The following TACR3 variants were observed in gnomAD, a reference collection of about 807,000 sequenced individuals.
TACR3 encodes tachykinin receptor 3, also known as neuromedin-K receptor.
Under a neutral mutation model 35.0 loss-of-function variants are expected in TACR3, and 34 were observed. That is an observed-to-expected ratio of 0.97 (90% CI 0.74 to 1.30). TACR3 has a LOEUF of 1.30. Ranked by LOEUF, TACR3 falls within the 50% of genes most tolerant of loss-of-function variation. TACR3 has a pLI of 0.00. For missense variants in TACR3, 558 were observed against 591.7 expected, an observed-to-expected ratio of 0.94 and a Z score of 0.59; for synonymous variants, 233 against 221.1, an observed-to-expected ratio of 1.05 and a Z score of -0.48.
chr4:103,705,393 T>C (rs1451205137), intron 1 of TACR3, among the ~76,000 whole-genome samples: 2 of 152,154 alleles, frequency 1.3e-5, no homozygotes, highest in Admixed American at 1.3e-4. Flanking sequence ...TATAATTCAT[T>C]TATTCATCAA....
intron 3 of TACR3, among the ~76,000 whole-genome samples, chr4:103,626,011 A>G (rs1560811840): frequency 6.6e-6 from 1 of 152,184 alleles, no homozygotes; most frequent in African/African-American, 2.4e-5. Context: ...GGAAAAATCA[A>G]CCCAGCCTAC....
At chr4:103,685,294 C>T (rs1242895009) in intron 1 of TACR3, among the ~76,000 whole-genome samples, 2 of 151,910 alleles carry the variant, frequency 1.3e-5, no homozygotes, top group Admixed American at 1.3e-4. Flanking sequence ...TATTTTAAAA[C>T]AATTGGATAT....
At chr4:103,657,084 G>A (rs996334599) in intron 2 of TACR3, among the ~76,000 whole-genome samples, 2 of 152,016 alleles carry the variant, frequency 1.3e-5, no homozygotes, top group South Asian at 4.2e-4. Flanking sequence ...CAATTAGCGA[G>A]GAAAAGGAGA....
At chr4:103,636,335 T>A (rs1725188570) in intron 3 of TACR3, among the ~76,000 whole-genome samples, 1 of 148,046 alleles carries the variant, frequency 6.8e-6, no homozygotes, top group African/African-American at 2.6e-5. Flanking sequence ...CATCTCACTT[T>A]GGTAAGTATG....
At chr4:103,610,907 T>G (rs959936642) in intron 3 of TACR3, among the ~76,000 whole-genome samples, 6 of 152,156 alleles carry the variant, frequency 3.9e-5, no homozygotes, top group Admixed American at 2.0e-4. Context: ...GTGTTCTTGG[T>G]GCATTTGTTA....
chr4:103,639,392 G>C (rs1295000423), intron 3 of TACR3, among the ~76,000 whole-genome samples: 3 of 151,968 alleles, frequency 2.0e-5, no homozygotes, highest in East Asian at 1.9e-4. Flanking sequence ...GTTGAACAAT[G>C]AGAACACATG....
intron 3 of TACR3, among the ~76,000 whole-genome samples, chr4:103,605,040 C>G (rs1442113139): frequency 6.8e-6 from 1 of 146,014 alleles, no homozygotes; most frequent in East Asian, 2.0e-4. Flanking sequence ...TCCATGTGAT[C>G]TCATTGTTCA....
At chr4:103,710,366 C>A (rs1722914387) in intron 1 of TACR3, among the ~76,000 whole-genome samples, 1 of 152,118 alleles carries the variant, frequency 6.6e-6, no homozygotes, top group Non-Finnish European at 1.5e-5. Context: ...CTCAAAACTG[C>A]TCAAGTGCAT....
chr4:103,719,634 A>G lies in TACR3; in HGVS notation c.42T>C (p.Gly14=). ...LPAAETWIDG[G]GGVGADAVNL... is the part of the protein sequence containing the mutation. ...TCACGGCGTCTGCACCCACGCCTCC[A>G]CCCCCGTCTATCCAGGTTTCTGCTG... The change falls in exon 1 of 5, where the codon GGT becomes GGC. Residue 14 remains glycine, a synonymous_variant. Coordinates refer to ENST00000304883, the MANE Select transcript of TACR3 (RefSeq NM_001059.3). 1 of 1,613,274 alleles carries G rather than the reference A, an allele frequency of 6.2e-7. No homozygotes were observed. Among genetic ancestry groups the G allele is most frequent in the South Asian group, 1.1e-5 (1 of 91,056 alleles).
chr4:103,590,956 T>C (rs1007598691), intron 4 of TACR3, among the ~76,000 whole-genome samples: 2 of 152,162 alleles, frequency 1.3e-5, no homozygotes, highest in Non-Finnish European at 2.9e-5. Flanking sequence ...GGCTGCATGC[T>C]CTCTTACTCA....
chr4:103,646,103 G>A (rs1469930169), intron 3 of TACR3, among the ~76,000 whole-genome samples: 1 of 151,900 alleles, frequency 6.6e-6, no homozygotes, highest in Non-Finnish European at 1.5e-5. Flanking sequence ...TTTGTTATTG[G>A]TCAAATTTGA....
rs114948221 is a variant in TACR3, at chr4:103,627,503, G to A, written c.888+28691C>T. On this transcript the variant is annotated intron_variant, in intron 3 of 4. Coordinates refer to ENST00000304883, the MANE Select transcript of TACR3 (RefSeq NM_001059.3). The stretch of plus-strand genomic sequence containing the variant: ...TGCTCCACGGCACTCCAGCCTGGGC[G>A]ATAGAGCAAGACTCGGTCAAAAAAA... Among the ~76,000 whole-genome samples, 684 of 151,880 alleles carry A rather than the reference G, an allele frequency of 4.5e-3. 1 individual carries two copies. Among genetic ancestry groups the A allele is most frequent in the Non-Finnish European group, 7.1e-3 (481 of 67,938 alleles).
At chr4:103,638,499 C>A (rs1025959160) in intron 3 of TACR3, among the ~76,000 whole-genome samples, 2 of 151,844 alleles carry the variant, frequency 1.3e-5, no homozygotes, top group South Asian at 2.1e-4. Flanking sequence ...AGAAGAAAAC[C>A]TAGGCGATAC....
At chr4:103,669,152 T>C (rs1162598612) in intron 1 of TACR3, among the ~76,000 whole-genome samples, 4 of 152,156 alleles carry the variant, frequency 2.6e-5, no homozygotes, top group African/African-American at 4.8e-5. Context: ...GATTTCATTT[T>C]TTCATGGCTG....
At chr4:103,681,455 G>T (rs1722084263) in intron 1 of TACR3, among the ~76,000 whole-genome samples, 2 of 151,920 alleles carry the variant, frequency 1.3e-5, no homozygotes, top group Admixed American at 1.3e-4. Flanking sequence ...AACGGCATAG[G>T]TATATTAAAA....
intron 3 of TACR3, among the ~76,000 whole-genome samples, chr4:103,606,051 A>G (rs1724354157): frequency 6.6e-6 from 1 of 151,950 alleles, no homozygotes; most frequent in Non-Finnish European, 1.5e-5. Context: ...ATGGCTAGCC[A>G]GTTTTCCCAG....
intron 3 of TACR3, among the ~76,000 whole-genome samples, chr4:103,615,443 T>C (rs961640465): frequency 6.6e-6 from 1 of 151,014 alleles, no homozygotes; most frequent in Non-Finnish European, 1.5e-5. Flanking sequence ...GAAATGGGTT[T>C]GTTTTGGGAA....
chr4:103,673,880 G>A (rs1726104503), intron 1 of TACR3, among the ~76,000 whole-genome samples: 1 of 152,114 alleles, frequency 6.6e-6, no homozygotes, highest in African/African-American at 2.4e-5. Context: ...TACATAATTA[G>A]CTATACATGA....
At chr4:103,666,712 G>T (rs1725943503) in intron 1 of TACR3, among the ~76,000 whole-genome samples, 1 of 152,122 alleles carries the variant, frequency 6.6e-6, no homozygotes, top group African/African-American at 2.4e-5. Context: ...TTTAGAAGTA[G>T]TAATCTATAG....
Sources: gnomAD v4.1 joint callset for allele counts (sites outside exome capture counted in the v4.1 genomes callset) on GRCh38, gnomAD v4.1.1 for gene constraint, MANE v1.5 for transcripts, NCBI Gene and HGNC (gene_info 2026-07-23, HGNC 2026-07-21) for gene names.